The following MAPK15 variants were observed in gnomAD, a reference collection of about 807,000 sequenced individuals.
The protein encoded by MAPK15 is mitogen-activated protein kinase 15.
MAPK15 carries 61 observed loss-of-function variants against 60.8 expected under a neutral mutation model. That is an observed-to-expected ratio of 1.00 (90% CI 0.82 to 1.24). The LOEUF (loss-of-function observed/expected upper bound fraction) is 1.24, where lower values mean the gene tolerates loss of function less well. Ranked by LOEUF, MAPK15 falls within the 50% of genes most tolerant of loss-of-function variation. The probability of loss-of-function intolerance (pLI) is 0.00; values close to 1 mark genes in which losing one functional copy is unlikely to be tolerated. For synonymous variants in MAPK15, 356 were observed against 319.9 expected (o/e 1.11, Z -1.21); for missense variants, 808 against 741.1 (o/e 1.09, Z -1.05).
chr8:143,717,870 G>A (rs1346383243), intron 2 of MAPK15, 78 bp downstream of exon 2: 11 of 1,520,376 alleles, frequency 7.2e-6, no homozygotes, highest in Non-Finnish European at 1.0e-5. Flanking sequence ...TGGAAGCTCA[G>A]GTGGGAGCTG....
Position 143,719,523 on chromosome 8 carries a change from G to A in MAPK15, c.721+41G>A, listed in dbSNP as rs782413575. ...GGGGCTGGGCACCGGGAATGCTGCA[G>A]GTCAGACAGCACAGCTGTGGGGAGA... On this transcript the variant is annotated intron_variant, in intron 7 of 13. Coordinates refer to ENST00000338033, the MANE Select transcript of MAPK15 (RefSeq NM_139021.3). The A allele has an allele frequency of 4.4e-6, 7 of 1,596,188 alleles. No homozygotes were observed. In the Admixed American group the frequency reaches 8.8e-5, roughly 20 times the overall value.
Position 143,720,242 on chromosome 8 carries a change from T to G in MAPK15, c.734T>G (p.Leu245Arg), listed in dbSNP as rs1817993105. Reference sequence around the variant, plus strand: ...TCTGCTGCCCCAGACCTCCTGGCTCTCGGCTCAGGCTGCCGTGCCTCTGTG... The same window carrying G: ...TCTGCTGCCCCAGACCTCCTGGCTCGCGGCTCAGGCTGCCGTGCCTCTGTG... ...PPPSEEDLLA[L>R]GSGCRASVLH... Residue 245 changes from leucine to arginine, a missense_variant, in exon 8 of 14, where the codon CTC becomes CGC. Transcript: ENST00000338033. This position sits in a 1 kb window ranked among gnomAD's most constrained non-coding sequence, Gnocchi z 4.6. 2 of 1,582,666 alleles carry G rather than the reference T, an allele frequency of 1.3e-6. No homozygotes were observed. The highest frequency in any genetic ancestry group is 4.6e-5 in the East Asian group (2 of 43,516).
Position 143,720,211 on chromosome 8 carries a change from C to A in MAPK15, c.722-19C>A. On this transcript the variant is annotated intron_variant, in intron 7 of 13. Transcript: ENST00000338033. This position sits in a 1 kb window ranked among gnomAD's most constrained non-coding sequence, Gnocchi z 4.6. The stretch of plus-strand genomic sequence containing the variant: ...GCCGACCAGGCCTGCCTGGGTCACA[C>A]CACCTTCTGCTGCCCCAGACCTCCT... 6.4e-7 allele frequency: 1 copy of A among 1,559,844 alleles called. No homozygotes were observed. Among genetic ancestry groups the A allele is most frequent in the Non-Finnish European group, 8.7e-7 (1 of 1,152,168 alleles).
intron 13 of MAPK15, 46 bp downstream of exon 13, chr8:143,721,926 C>T: frequency 2.0e-6 from 3 of 1,530,490 alleles, no homozygotes; most frequent in Non-Finnish European, 2.6e-6. Context: ...CTCCTTTCCC[C>T]TTTCCCCTTC....
chr8:143,719,025 A>G lies in MAPK15; in HGVS notation c.450A>G (p.Thr150=), dbSNP rs1554619118. 6 of 1,605,864 alleles carry G rather than the reference A, an allele frequency of 3.7e-6. No individual in the cohort carries two copies. Among genetic ancestry groups the G allele is most frequent in the East Asian group, 2.3e-5 (1 of 44,358 alleles). Residue 150 remains threonine, a synonymous_variant, in exon 6 of 14, where the codon ACA becomes ACG. Coordinates refer to ENST00000338033, the MANE Select transcript of MAPK15 (RefSeq NM_139021.3). ...PSNVLLDANC[T]VKLCDFGLAR... ...ATGTGCTCCTGGATGCCAACTGCAC[A>G]GTGAAGCTGTGTGACTTTGGCCTGG...
At position 143,718,062 on chromosome 8, in the gene MAPK15, A is replaced by C. The variant is rs782072550; in HGVS notation, c.181A>C (p.Ile61Leu). 6.2e-7 allele frequency: 1 copy of C among 1,614,106 alleles called. No homozygotes were observed. The highest frequency in any genetic ancestry group is 8.5e-7 in the Non-Finnish European group (1 of 1,179,998). Residue 61 changes from isoleucine (I) to leucine (L), a missense_variant, in exon 3 of 14, where the codon ATC becomes CTC. Transcript: ENST00000338033. Reference sequence around the variant, plus strand: ...GTCTCTTCAGAGAACATTCCGGGAAATCACGCTCCTCCAGGTGAGTGGCCT... The same window carrying C: ...GTCTCTTCAGAGAACATTCCGGGAACTCACGCTCCTCCAGGTGAGTGGCCT... ...KTDAQRTFRE[I>L]TLLQEFGDHP...
chr8:143,721,930 C>T (rs375514564), intron 13 of MAPK15, 50 bp downstream of exon 13: 2 of 1,414,652 alleles, frequency 1.4e-6, no homozygotes, highest in Non-Finnish European at 1.9e-6. Flanking sequence ...TTTCCCCTTT[C>T]CCCTTCCCCC....
intron 1 of MAPK15, among the ~76,000 whole-genome samples, chr8:143,716,845 G>A (rs1265742685): frequency 1.3e-5 from 2 of 152,208 alleles, no homozygotes; most frequent in African/African-American, 4.8e-5. Flanking sequence ...CCCGAGAAGG[G>A]CCTGAGCGGT....
chr8:143,718,899 C>A lies in MAPK15; in HGVS notation c.411C>A (p.Asp137Glu). 11 of 1,605,460 alleles carry A rather than the reference C, an allele frequency of 6.9e-6. No homozygotes were observed. The highest frequency in any genetic ancestry group is 9.4e-6 in the Non-Finnish European group (11 of 1,175,740). ...ACTCGGGGCACGTTGTGCACCGGGA[C>A]CAGAAGGTGCGGTTCCCCCGCCCCC... is the stretch of plus-strand genomic sequence containing the variant. ...FLHSGHVVHR[D>E]QKPSNVLLDA... Residue 137 changes from aspartate to glutamate, a missense_variant, in exon 5 of 14, where the codon GAC becomes GAA. Physicochemically the swap from Asp to Glu is conservative, Grantham distance 45. Transcript: ENST00000338033.
At position 143,721,582 on chromosome 8, in the gene MAPK15, A is replaced by G; in HGVS notation, c.1238A>G (p.Gln413Arg). 1 of 1,613,658 alleles carries G rather than the reference A, an allele frequency of 6.2e-7. No homozygotes were observed. Among genetic ancestry groups the G allele is most frequent in the East Asian group, 2.2e-5 (1 of 44,868 alleles). The change falls in exon 12 of 14, where the codon CAG becomes CGG. Residue 413 changes from glutamine (Q) to arginine (R), a missense_variant. By Grantham distance (43) the Gln-to-Arg change is conservative. Transcript: ENST00000338033. Reference sequence around the variant, plus strand: ...CGTGCAGCCAAGAACGTTCCCAGGCAGAACTCCGCTCCCCTGCTCCAAACT... The same window carrying G: ...CGTGCAGCCAAGAACGTTCCCAGGCGGAACTCCGCTCCCCTGCTCCAAACT... Reference protein sequence around the residue: ...SPRAAKNVPRQNSAPLLQTAL... With the variant: ...SPRAAKNVPRRNSAPLLQTAL...
chr8:143,721,074 C>CTG lies in MAPK15; in HGVS notation c.995_996dup (p.Pro333CysfsTer11). Reference sequence around the variant, plus strand: ...CGGGCACACGAAGGGGTCCAGCTCTCTGTGCCTGAGTACCGCAGCCGCGTC... The same window carrying CTG: ...CGGGCACACGAAGGGGTCCAGCTCTCTGTGTGCCTGAGTACCGCAGCCGCGTC... On this transcript the variant is annotated frameshift_variant, in exon 10 of 14. Coordinates refer to ENST00000338033, the MANE Select transcript of MAPK15 (RefSeq NM_139021.3). LOFTEE classifies it high-confidence loss of function. 6.2e-7 allele frequency: 1 copy of CTG among 1,612,010 alleles called. No homozygotes were observed.
rs139970630 is a variant in MAPK15 at position 143,720,244 on chromosome 8, G to T, written c.736G>T (p.Gly246Cys). The change falls in exon 8 of 14, where the codon GGC becomes TGC. Residue 246 changes from glycine to cysteine, a missense_variant. Physicochemically the swap from Gly to Cys is radical, Grantham distance 159. Coordinates refer to ENST00000338033, the MANE Select transcript of MAPK15 (RefSeq NM_139021.3). This position sits in a 1 kb window ranked among gnomAD's most constrained non-coding sequence, Gnocchi z 4.6. The stretch of plus-strand genomic sequence containing the variant: ...TGCTGCCCCAGACCTCCTGGCTCTC[G>T]GCTCAGGCTGCCGTGCCTCTGTGCT... ...PPSEEDLLAL[G>C]SGCRASVLHQ... 1 of 1,583,990 alleles carries T rather than the reference G, an allele frequency of 6.3e-7. No homozygotes were observed. Among genetic ancestry groups the T allele is most frequent in the South Asian group, 1.2e-5 (1 of 86,604 alleles).
In MAPK15 at chr8:143,721,816, A is replaced by ACCAGG. The variant is rs1818086972; in HGVS notation, c.1397_1401dup (p.Leu468ArgfsTer3). 4 of 1,612,378 alleles carry ACCAGG rather than the reference A, an allele frequency of 2.5e-6. No individual in the cohort carries two copies. In the Admixed American group the frequency reaches 6.7e-5, roughly 27 times the overall value. ...TCCCAGGCTGCGGCTCAGGTGGCCA[A>ACCAGG]CCAGGCCCTGATCCGGGGTGACTGG... On this transcript the variant is annotated frameshift_variant, in exon 13 of 14. Coordinates refer to ENST00000338033, the MANE Select transcript of MAPK15 (RefSeq NM_139021.3). LOFTEE classifies it high-confidence loss of function.
rs536928468 is a variant in MAPK15, at chr8:143,721,830, C to T, written c.1408C>T (p.Arg470Trp). ...TCAGGTGGCCAACCAGGCCCTGATC[C>T]GGGGTGACTGGAACCGGGGCGGTGG... ...AAQVANQALIRGDWNRGGGVR... is the reference protein window; with the variant it reads ...AAQVANQALIWGDWNRGGGVR... The change falls in exon 13 of 14, where the codon CGG (arginine) becomes TGG (tryptophan). Residue 470 changes from arginine to tryptophan, a missense_variant. Coordinates refer to ENST00000338033, the MANE Select transcript of MAPK15 (RefSeq NM_139021.3). The T allele has an allele frequency of 1.0e-4, 163 of 1,610,676 alleles. 1 individual carries two copies. The African/African-American group carries it at 1.1e-3, about 11-fold the overall frequency.
Position 143,720,532 on chromosome 8 carries a change from T to C in MAPK15, c.780-171T>C, listed in dbSNP as rs1287245446. 5.5e-6 allele frequency: 8 copies of C among 1,456,590 alleles called. No individual in the cohort carries two copies. The highest frequency in any genetic ancestry group is 7.3e-6 in the Non-Finnish European group (8 of 1,101,406). The allele number at this position is 1,456,590 out of a possible 1,614,324, so 90.2% of individuals were successfully genotyped here. On this transcript the variant is annotated intron_variant, in intron 8 of 13. Transcript: ENST00000338033. This position sits in a 1 kb window ranked among gnomAD's most constrained non-coding sequence, Gnocchi z 4.6. ...GGAGGGCACCAGGGGGCCGCAGGGGTCTCTCCACCCTGCAGGGGCCCAGAC... is the reference window on the plus strand; with the variant it reads ...GGAGGGCACCAGGGGGCCGCAGGGGCCTCTCCACCCTGCAGGGGCCCAGAC...
intron 2 of MAPK15, 98 bp downstream of exon 2, chr8:143,717,890 C>T: frequency 6.7e-7 from 1 of 1,491,056 alleles, no homozygotes; most frequent in Non-Finnish European, 9.3e-7. Flanking sequence ...GGAGCCCAGT[C>T]ATAGCAGATG....
Position 143,721,286 on chromosome 8 carries a change from G to GAGA in MAPK15, c.1079_1080insAGA (p.Gly360_Val361insAsp). On this transcript the variant is annotated inframe_insertion, in exon 11 of 14. Transcript: ENST00000338033. The stretch of plus-strand genomic sequence containing the variant: ...ACCTCGAGAGAGAAGGGCCCGGAGG[G>GAGA]TGTCTCCCCAAGCCAGGCACACCTG... 6.2e-7 allele frequency: 1 copy of GAGA among 1,613,612 alleles called. No homozygotes were observed. The highest frequency in any genetic ancestry group is 8.5e-7 in the Non-Finnish European group (1 of 1,179,934).
chr8:143,721,410 C>A lies in MAPK15; in HGVS notation c.1203C>A (p.His401Gln). ...QSSPGHDPAEHESPRAAKNVP... is the reference protein window; with the variant it reads ...QSSPGHDPAEQESPRAAKNVP... ...GCCCAGGCCATGACCCTGCCGAGCA[C>A]GGTGTGTGATCTTTGCTGGCCGCCC... Residue 401 changes from histidine to glutamine, a missense_variant and splice_region_variant, in exon 11 of 14, where the codon CAC (histidine) becomes CAA (glutamine). Transcript: ENST00000338033. 1.2e-6 allele frequency: 2 copies of A among 1,610,402 alleles called. No homozygotes were observed. Among genetic ancestry groups the A allele is most frequent in the Non-Finnish European group, 1.7e-6 (2 of 1,178,278 alleles).
At chr8:143,716,772 G>C (rs1817826867) in intron 1 of MAPK15, among the ~76,000 whole-genome samples, 1 of 152,230 alleles carries the variant, frequency 6.6e-6, no homozygotes, top group African/African-American at 2.4e-5. Context: ...TGGGGAGGCT[G>C]GGCCCGCGCC....
Sources: allele counts gnomAD v4.1 joint callset (sites outside exome capture counted in the v4.1 genomes callset), GRCh38; gene constraint gnomAD v4.1.1; non-coding constraint Gnocchi (gnomAD v3.1); transcripts MANE v1.5; gene names NCBI Gene and HGNC (gene_info 2026-07-23, HGNC 2026-07-21).